NXN: variants seen among roughly 807,000 people sequenced by gnomAD.
NXN encodes the protein nucleoredoxin 1.
NXN carries 16 observed loss-of-function variants against 48.6 expected under a neutral mutation model. That is an observed-to-expected ratio of 0.33 (90% CI 0.22 to 0.50). NXN has a LOEUF of 0.50. NXN is among the 20% of genes least tolerant of loss of function. The pLI, the probability that NXN is intolerant of heterozygous loss-of-function variation, is 0.98. For missense variants in NXN, 492 were observed against 605.5 expected (o/e 0.81, Z 1.97); for synonymous variants, 281 against 269.6 (o/e 1.04, Z -0.41).
At chr17:952,028 A>G (rs993025297) in intron 1 of NXN, among the ~76,000 whole-genome samples, 1 of 152,040 alleles carries the variant, frequency 6.6e-6, no homozygotes, top group Non-Finnish European at 1.5e-5. Flanking sequence ...CCGCTCCCTC[A>G]TGGCCAGCGC....
intron 7 of NXN, 88 bp from the exon 8 acceptor site, chr17:801,219 A>G (rs1796985643): frequency 1.8e-6 from 2 of 1,086,476 alleles, no homozygotes; most frequent in East Asian, 3.1e-5. Flanking sequence ...CAGGTGTGGT[A>G]GCTCCCGCAC....
chr17:809,911 T>G (rs79145525), intron 5 of NXN, among the ~76,000 whole-genome samples: 20,905 of 122,220 alleles, frequency 0.17, 3,206 homozygotes, highest in East Asian at 0.27. Flanking sequence ...GTGAGTGCCG[T>G]GCACGTTAAG....
chr17:841,132 T>G (rs1914151708), intron 1 of NXN, among the ~76,000 whole-genome samples: 1 of 152,204 alleles, frequency 6.6e-6, no homozygotes, highest in Non-Finnish European at 1.5e-5. Context: ...AGGGTTACTG[T>G]GTGGATAGAT....
chr17:967,957 G>C (rs905731287), intron 1 of NXN, among the ~76,000 whole-genome samples: 3 of 151,528 alleles, frequency 2.0e-5, no homozygotes, highest in Admixed American at 2.0e-4. Context: ...AGGCGACAGA[G>C]CGAGACTCCG....
chr17:881,529 T>C (rs2144837199), intron 1 of NXN, among the ~76,000 whole-genome samples: 1 of 152,302 alleles, frequency 6.6e-6, no homozygotes, highest in Non-Finnish European at 1.5e-5. Flanking sequence ...GCCTGGTCAG[T>C]ACAACCACTT....
At chr17:944,227 G>A (rs376912261) in intron 1 of NXN, among the ~76,000 whole-genome samples, 14 of 152,210 alleles carry the variant, frequency 9.2e-5, no homozygotes, top group South Asian at 2.1e-4. Flanking sequence ...AAACAAGAGC[G>A]AAACTCCATC....
intron 1 of NXN, among the ~76,000 whole-genome samples, chr17:965,873 T>C (rs1270267729): frequency 6.6e-6 from 1 of 151,866 alleles, no homozygotes; most frequent in Non-Finnish European, 1.5e-5. Flanking sequence ...TCCCAGCACT[T>C]TGGGAGGCCG....
intron 1 of NXN, among the ~76,000 whole-genome samples, chr17:850,646 GC>G (rs1567832860): frequency 6.6e-6 from 1 of 152,154 alleles, no homozygotes; most frequent in East Asian, 1.9e-4. Context: ...CGGCGTGGGG[GC>G]CCCGGGAGCT....
chr17:887,423 C>T (rs867866745), intron 1 of NXN, among the ~76,000 whole-genome samples: 7 of 152,208 alleles, frequency 4.6e-5, no homozygotes, highest in African/African-American at 1.4e-4. Flanking sequence ...TGGGAAGCTG[C>T]CGTTCATATG....
In NXN at chr17:801,939, C is replaced by G. The variant is rs115265202; in HGVS notation, c.1126-808G>C. Among the ~76,000 whole-genome samples the G allele has an allele frequency of 7.8e-3, 1,194 of 152,304 alleles. 14 individuals are homozygous for G. Among genetic ancestry groups the G allele is most frequent in the East Asian group, 0.029 (150 of 5,178 alleles). On this transcript the variant is annotated intron_variant, in intron 7 of 7. Transcript: ENST00000336868. ...CTGCACAGCCAGCCAGTTCAGAAGA[C>G]AGCGCTGCTTAAGCACTGTGGAAGC...
intron 1 of NXN, among the ~76,000 whole-genome samples, chr17:887,505 C>G (rs7213626): frequency 6.6e-6 from 1 of 152,056 alleles, no homozygotes; most frequent in Admixed American, 6.6e-5. Context: ...CGGGCATTTT[C>G]AGGCCTTCAC....
At chr17:938,477 C>T (rs780975312) in intron 1 of NXN, among the ~76,000 whole-genome samples, 1 of 149,414 alleles carries the variant, frequency 6.7e-6, no homozygotes. Context: ...GTCAGGAGTT[C>T]GAGATCAGCC....
At chr17:943,529 G>A (rs2069004921) in intron 1 of NXN, among the ~76,000 whole-genome samples, 1 of 152,174 alleles carries the variant, frequency 6.6e-6, no homozygotes, top group African/African-American at 2.4e-5. Context: ...TTCTTCAAAA[G>A]AATATTACCG....
At chr17:810,112 C>CGAGTCCGTGTGAGTGGCGTGCACGTTAT (rs1567810655) in intron 5 of NXN, among the ~76,000 whole-genome samples, 1 of 106,526 alleles carries the variant, frequency 9.4e-6, no homozygotes, top group East Asian at 3.3e-4. Flanking sequence ...GTGCACGTTA[C>CGAGTCCGTGTGAGTGGCGTGCACGTTAT]GAGTCCGTGT....
At chr17:841,420 C>T (rs79703488) in intron 1 of NXN, among the ~76,000 whole-genome samples, 19 of 33,546 alleles carry the variant, frequency 5.7e-4, no homozygotes, top group East Asian at 1.1e-3. Flanking sequence ...CTGACCACGG[C>T]GCATCTCACA....
intron 1 of NXN, among the ~76,000 whole-genome samples, chr17:948,744 A>G (rs993517464): frequency 6.6e-6 from 1 of 151,560 alleles, no homozygotes; most frequent in Non-Finnish European, 1.5e-5. Context: ...GGCTGAGAGC[A>G]GCATTCTCAG....
chr17:945,160 T>C (rs567927515), intron 1 of NXN, among the ~76,000 whole-genome samples: 8 of 151,914 alleles, frequency 5.3e-5, no homozygotes, highest in East Asian at 3.9e-4. Flanking sequence ...CGGCTCACTG[T>C]AACCTCCGCC....
At chr17:867,403 T>C (rs1318738068) in intron 1 of NXN, among the ~76,000 whole-genome samples, 1 of 152,008 alleles carries the variant, frequency 6.6e-6, no homozygotes, top group Non-Finnish European at 1.5e-5. Flanking sequence ...GTTCTCGGGG[T>C]TCTCCAGGGA....
At chr17:904,970 C>T (rs1280316486) in intron 1 of NXN, among the ~76,000 whole-genome samples, 1 of 152,112 alleles carries the variant, frequency 6.6e-6, no homozygotes, top group Non-Finnish European at 1.5e-5. Context: ...CCGTCTTCTG[C>T]TCCTCTTCAC....
Sources: allele counts gnomAD v4.1 joint callset (sites outside exome capture counted in the v4.1 genomes callset), GRCh38; gene constraint gnomAD v4.1.1; transcripts MANE v1.5; gene names NCBI Gene and HGNC (gene_info 2026-07-23, HGNC 2026-07-21).